The following RNLS variants were observed in gnomAD, a reference collection of about 807,000 sequenced individuals.
The protein encoded by RNLS is renalase, FAD dependent amine oxidase, also known as renalase.
Under a neutral mutation model 39.8 loss-of-function variants are expected in RNLS, and 39 were observed. The ratio of observed to expected loss-of-function variants is 0.98; its 90% CI spans 0.76 to 1.28. RNLS has a LOEUF of 1.28. RNLS is among the 50% of genes most tolerant of loss of function. The pLI, the probability that RNLS is intolerant of heterozygous loss-of-function variation, is 0.00. For synonymous variants in RNLS, 147 were observed against 150.7 expected (o/e 0.98, Z 0.18); for missense variants, 410 against 413.3 (o/e 0.99, Z 0.07).
chr10:88,520,442 T>C (rs2095359838), intron 4 of RNLS, among the ~76,000 whole-genome samples: 1 of 152,006 alleles, frequency 6.6e-6, no homozygotes, highest in Non-Finnish European at 1.5e-5. Flanking sequence ...ACCAATCTCA[T>C]AGACATGCCC....
At chr10:88,489,576 A>G (rs550753160) in intron 4 of RNLS, among the ~76,000 whole-genome samples, 1 of 152,328 alleles carries the variant, frequency 6.6e-6, no homozygotes, top group East Asian at 1.9e-4. Flanking sequence ...TATGGTTCCC[A>G]AGGTGATTCA....
At chr10:88,383,024 T>A (rs1357227129) in intron 4 of RNLS, among the ~76,000 whole-genome samples, 1 of 152,148 alleles carries the variant, frequency 6.6e-6, no homozygotes, top group Non-Finnish European at 1.5e-5. Flanking sequence ...CTATAGTGAC[T>A]CATATTATTC....
At chr10:88,249,615 C>T in the RNLS span, among the ~76,000 whole-genome samples, 3 of 152,058 alleles carry the variant, frequency 2.0e-5, no homozygotes, top group Non-Finnish European at 4.4e-5. Flanking sequence ...ATGTCTGGTG[C>T]CTGGGCTGGG....
intron 6 of RNLS, among the ~76,000 whole-genome samples, chr10:88,310,801 C>CAAAAAAAAA (rs577838661): frequency 5.7e-3 from 111 of 19,504 alleles, no homozygotes; most frequent in African/African-American, 0.015. Flanking sequence ...CTACCTCTGC[C>CAAAAAAAAA]AAAAAAAAAA....
chr10:88,572,766 CGTAA>C (rs1456350722), intron 4 of RNLS, 133 bp downstream of exon 4: 38 of 836,958 alleles, frequency 4.5e-5, no homozygotes, highest in Admixed American at 8.7e-5. Context: ...TGACGACGGC[CGTAA>C]GTATCAGTTT....
chr10:88,309,339 C>G (rs749772834), intron 6 of RNLS: 31 of 1,080,562 alleles, frequency 2.9e-5, no homozygotes, highest in Non-Finnish European at 3.5e-5. Context: ...ATTAAAATAT[C>G]AATCACCACC....
At chr10:88,389,189 C>G (rs1182794947) in intron 4 of RNLS, among the ~76,000 whole-genome samples, 1 of 152,128 alleles carries the variant, frequency 6.6e-6, no homozygotes. Context: ...TGGAGCTTTA[C>G]TAAAGATGGC....
intron 4 of RNLS, among the ~76,000 whole-genome samples, chr10:88,527,279 C>T (rs1589958188): frequency 1.3e-5 from 2 of 152,144 alleles, no homozygotes; most frequent in East Asian, 3.8e-4. Flanking sequence ...CACTAAAGGT[C>T]TATCTCTGAG....
the RNLS span, among the ~76,000 whole-genome samples, chr10:88,215,222 T>G: frequency 6.6e-6 from 1 of 151,960 alleles, no homozygotes; most frequent in African/African-American, 2.4e-5. Flanking sequence ...AATGGCTACC[T>G]ATTATTGAGT....
intron 4 of RNLS, among the ~76,000 whole-genome samples, chr10:88,392,485 G>A (rs1483573053): frequency 6.6e-6 from 1 of 152,216 alleles, no homozygotes; most frequent in Non-Finnish European, 1.5e-5. Flanking sequence ...AATGCACACA[G>A]AGCCCTTAGG....
intron 4 of RNLS, among the ~76,000 whole-genome samples, chr10:88,408,201 G>C (rs1043431633): frequency 2.0e-5 from 3 of 152,008 alleles, no homozygotes; most frequent in Non-Finnish European, 4.4e-5. Flanking sequence ...TTGTTCAATT[G>C]AATGTGAAAG....
chr10:88,235,036 T>C, the RNLS span, among the ~76,000 whole-genome samples: 6 of 150,786 alleles, frequency 4.0e-5, no homozygotes, highest in African/African-American at 7.3e-5. Flanking sequence ...CCGAGGCGGG[T>C]GGATCACAAG....
At chr10:88,411,532 T>C (rs1282408586) in intron 4 of RNLS, among the ~76,000 whole-genome samples, 1 of 152,046 alleles carries the variant, frequency 6.6e-6, no homozygotes, top group African/African-American at 2.4e-5. Flanking sequence ...GTTTTTTTTT[T>C]TTCCACTTTT....
the RNLS span, among the ~76,000 whole-genome samples, chr10:88,201,240 C>T: frequency 1.3e-5 from 2 of 152,190 alleles, no homozygotes; most frequent in Non-Finnish European, 2.9e-5. Context: ...TAAACACTGA[C>T]TATGGCAAAT....
At chr10:88,576,596 T>G (rs1465207633) in intron 3 of RNLS, among the ~76,000 whole-genome samples, 1 of 152,208 alleles carries the variant, frequency 6.6e-6, no homozygotes, top group East Asian at 1.9e-4. Context: ...CTGGTTTTCA[T>G]GCCATCCTCT....
At chr10:88,334,714 C>A (rs561172120) in intron 5 of RNLS, among the ~76,000 whole-genome samples, 1 of 151,926 alleles carries the variant, frequency 6.6e-6, no homozygotes, top group Admixed American at 6.6e-5. Flanking sequence ...TTTTACATTT[C>A]TTTTTTTTCC....
intron 5 of RNLS, among the ~76,000 whole-genome samples, chr10:88,330,098 A>T (rs984900421): frequency 3.6e-4 from 52 of 143,892 alleles, no homozygotes; most frequent in Non-Finnish European, 2.7e-4. Flanking sequence ...TATAAATATA[A>T]ATATATATAC....
chr10:88,308,345 A>G (rs1170393989), intron 6 of RNLS, among the ~76,000 whole-genome samples: 1 of 152,172 alleles, frequency 6.6e-6, no homozygotes, highest in Non-Finnish European at 1.5e-5. Context: ...GAGTGAACAG[A>G]CAGCCTATAG....
intron 4 of RNLS, among the ~76,000 whole-genome samples, chr10:88,525,058 G>T (rs1470383499): frequency 6.9e-6 from 1 of 144,858 alleles, no homozygotes; most frequent in Admixed American, 7.0e-5. Context: ...ATAAACTGCA[G>T]CAAGGAGAAA....
Sources: allele counts gnomAD v4.1 joint callset (sites outside exome capture counted in the v4.1 genomes callset), GRCh38; gene constraint gnomAD v4.1.1; transcripts MANE v1.5; gene names NCBI Gene and HGNC (gene_info 2026-07-23, HGNC 2026-07-21).